The following CARS1 variants were observed in gnomAD, a reference collection of about 807,000 sequenced individuals.
CARS1 encodes the protein cysteine--tRNA ligase, cytoplasmic.
CARS1 carries 48 observed loss-of-function variants against 106.2 expected under a neutral mutation model. That is an observed-to-expected ratio of 0.45 (90% CI 0.36 to 0.57). The LOEUF is 0.57. CARS1 is among the 20% of genes least tolerant of loss of function. The pLI is 0.00. For missense variants in CARS1, 968 were observed against 1,057.2 expected (o/e 0.92, Z 1.17); for synonymous variants, 409 against 403.4 (o/e 1.01, Z -0.17).
chr11:3,005,286 A>T, intron 20 of CARS1, 80 bp downstream of exon 20: 1 of 1,111,048 alleles, frequency 9.0e-7, no homozygotes, highest in South Asian at 1.3e-5. Context: ...TCAATGCTTA[A>T]AAAGTAAACT....
Position 3,018,395 on chromosome 11 carries a change from G to C in CARS1, c.1629+13C>G, listed in dbSNP as rs755064829. The C allele has an allele frequency of 2.5e-6, 4 of 1,586,346 alleles. No homozygotes were observed. The East Asian group carries it at 9.0e-5, about 35-fold the overall frequency. The stretch of plus-strand genomic sequence containing the variant: ...CTGCTCCACCAACCTCCAGGAAGGG[G>C]CTGGGGACTCACATTCAAGAACTTC... On this transcript the variant is annotated intron_variant, in intron 14 of 22. Transcript: ENST00000380525.
rs138621009 is a variant in CARS1, at chr11:3,049,946, C to A, written c.26-1945G>T. On this transcript the variant is annotated intron_variant, in intron 1 of 22. Transcript: ENST00000380525. ...TGTGGGGAAAGCCCTTCGTGTCAGG[C>A]CAATAACTGGCACTTCCCGGAACGC... 1.1e-4 allele frequency among the ~76,000 whole-genome samples: 17 copies of A among 152,166 alleles called. No homozygotes were observed. In the East Asian group the frequency reaches 3.3e-3, roughly 30 times the overall value.
chr11:3,054,294 TATTC>T (rs756026201), intron 1 of CARS1, among the ~76,000 whole-genome samples: 1 of 152,104 alleles, frequency 6.6e-6, no homozygotes, highest in Non-Finnish European at 1.5e-5. Context: ...GGAGGGAGGT[TATTC>T]ATTATTAGGG....
rs1267733527 is a variant in CARS1, at chr11:3,034,991, A to C, written c.801+3059T>G. On this transcript the variant is annotated intron_variant, in intron 7 of 22. Coordinates refer to ENST00000380525, the MANE Select transcript of CARS1 (RefSeq NM_001014437.3). The surrounding 1 kb of genome is among the most constrained non-coding windows in gnomAD (Gnocchi z 6.3). ...AGAGCATCACATGGCCAGGGGGCTC[A>C]TGAGGGCCAAACTGGCTTCTGTAAC... 6.6e-6 allele frequency among the ~76,000 whole-genome samples: 1 copy of C among 152,138 alleles called. No individual in the cohort carries two copies. The highest frequency in any genetic ancestry group is 2.4e-5 in the African/African-American group (1 of 41,422).
rs1025891157 is a variant in CARS1, at chr11:3,052,256, G to A, written c.26-4255C>T. 8.5e-5 allele frequency among the ~76,000 whole-genome samples: 13 copies of A among 152,222 alleles called. 1 individual carries two copies. The highest frequency in any genetic ancestry group is 8.3e-4 in the South Asian group (4 of 4,814). ...GCTGAGTACCTACACTCACACACAC[G>A]GCGGCATTTCCTCACGGTAAAACAC... On this transcript the variant is annotated intron_variant, in intron 1 of 22. Transcript: ENST00000380525. The surrounding 1 kb of genome is among the most constrained non-coding windows in gnomAD (Gnocchi z 4.6).
At chr11:3,049,047 T>C (rs1855399556) in intron 1 of CARS1, among the ~76,000 whole-genome samples, 1 of 152,248 alleles carries the variant, frequency 6.6e-6, no homozygotes, top group Non-Finnish European at 1.5e-5. Flanking sequence ...TTTTTTCATT[T>C]GAGCCCCTGC....
chr11:3,004,413 T>C lies in CARS1; in HGVS notation c.2217+953A>G, dbSNP rs1849662603. ...CATCCCATCTATCAATCAACCACCC[T>C]GTCGATTCTCCTTCCTCAGTTCCTC... On this transcript the variant is annotated intron_variant, in intron 20 of 22. Coordinates refer to ENST00000380525, the MANE Select transcript of CARS1 (RefSeq NM_001014437.3). This position sits in a 1 kb window ranked among gnomAD's most constrained non-coding sequence, Gnocchi z 5.2. Among the ~76,000 whole-genome samples the C allele has an allele frequency of 6.6e-6, 1 of 152,202 alleles. No individual in the cohort carries two copies. Among genetic ancestry groups the C allele is most frequent in the Non-Finnish European group, 1.5e-5 (1 of 68,032 alleles).
Position 3,029,267 on chromosome 11 carries a change from G to C in CARS1, c.942+36C>G. 2 of 1,607,120 alleles carry C rather than the reference G, an allele frequency of 1.2e-6. No homozygotes were observed. The highest frequency in any genetic ancestry group is 1.7e-6 in the Non-Finnish European group (2 of 1,174,222). On this transcript the variant is annotated intron_variant, in intron 8 of 22. Transcript: ENST00000380525. The surrounding 1 kb of genome is among the most constrained non-coding windows in gnomAD (Gnocchi z 5.9). ...GAATTTAGAAATCAGGGCCCTTAGC[G>C]CAAGAGAGCCAGCACAAGACAATCG...
Position 3,030,771 on chromosome 11 carries a change from A to T in CARS1, c.802-1328T>A, listed in dbSNP as rs2134202484. 1 of 152,408 alleles carries T rather than the reference A, an allele frequency of 6.6e-6. No homozygotes were observed. Among genetic ancestry groups the T allele is most frequent in the South Asian group, 2.1e-4 (1 of 4,830 alleles). 9.4% of individuals were successfully genotyped at this position (152,408 alleles called of 1,614,324 possible). ...GACTCCCAGATGACAGGCAATAGCA[A>T]GCAGGGACAGGCCAGCAAAGCGGCC... On this transcript the variant is annotated intron_variant, in intron 7 of 22. Transcript: ENST00000380525. This position sits in a 1 kb window ranked among gnomAD's most constrained non-coding sequence, Gnocchi z 5.7.
Position 3,037,225 on chromosome 11 carries a change from G to A in CARS1, c.801+825C>T, listed in dbSNP as rs926878497. ...GACTACATACACGTGGCGTGTTTCC[G>A]TGAAGTTTGGAAACAGGCGCAACGA... is the stretch of plus-strand genomic sequence containing the variant. On this transcript the variant is annotated intron_variant, in intron 7 of 22. Transcript: ENST00000380525. This position sits in a 1 kb window ranked among gnomAD's most constrained non-coding sequence, Gnocchi z 5.9. Among the ~76,000 whole-genome samples, 1 of 152,200 alleles carries A rather than the reference G, an allele frequency of 6.6e-6. No individual in the cohort carries two copies. Among genetic ancestry groups the A allele is most frequent in the Non-Finnish European group, 1.5e-5 (1 of 68,032 alleles).
In CARS1 at chr11:3,038,808, A is replaced by G. The variant is rs78237634; in HGVS notation, c.651+386T>C. 6.2e-3 allele frequency among the ~76,000 whole-genome samples: 938 copies of G among 152,372 alleles called. 6 individuals carry two copies. The highest frequency in any genetic ancestry group is 0.022 in the African/African-American group (895 of 41,586). On this transcript the variant is annotated intron_variant, in intron 6 of 22. Coordinates refer to ENST00000380525, the MANE Select transcript of CARS1 (RefSeq NM_001014437.3). The surrounding 1 kb of genome is among the most constrained non-coding windows in gnomAD (Gnocchi z 4.0). The stretch of plus-strand genomic sequence containing the variant: ...TTCTGAAAATTTACAGTATTACCAA[A>G]TTAAAAAGCTTAGTATAGCTTTTGT...
chr11:3,001,216 C>G lies in CARS1; in HGVS notation c.2394G>C (p.Glu798Asp), dbSNP rs182501851. ...GLPTHDMEGK[E>D]LSKGQAKKLK... Reference sequence around the variant, plus strand: ...GCTTCTTGGCTTGCCCTTTGCTGAGCTCTTTGCCCTCCATGTCATGTGTGG... The same window carrying G: ...GCTTCTTGGCTTGCCCTTTGCTGAGGTCTTTGCCCTCCATGTCATGTGTGG... The change falls in exon 23 of 23, where the codon GAG becomes GAC. Residue 798 changes from glutamate to aspartate, a missense_variant. Transcript: ENST00000380525. 6 of 1,614,006 alleles carry G rather than the reference C, an allele frequency of 3.7e-6. No homozygotes were observed. The Admixed American group carries it at 5.0e-5, about 13-fold the overall frequency.
chr11:3,043,202 T>C lies in CARS1; in HGVS notation c.275-946A>G, dbSNP rs1854703562. On this transcript the variant is annotated intron_variant, in intron 2 of 22. Coordinates refer to ENST00000380525, the MANE Select transcript of CARS1 (RefSeq NM_001014437.3). This position sits in a 1 kb window ranked among gnomAD's most constrained non-coding sequence, Gnocchi z 4.0. ...CTGCTTCCAGGCCTGGCTTCCAACC[T>C]GGCACAAGGCTGTCCTTACACAACC... 6.6e-6 allele frequency among the ~76,000 whole-genome samples: 1 copy of C among 151,984 alleles called. No individual in the cohort carries two copies. Among genetic ancestry groups the C allele is most frequent in the African/African-American group, 2.4e-5 (1 of 41,380 alleles).
Position 3,041,292 on chromosome 11 carries a change from T to C in CARS1, c.367-308A>G. 1 of 389,532 alleles carries C rather than the reference T, an allele frequency of 2.6e-6. No homozygotes were observed. The highest frequency in any genetic ancestry group is 4.8e-6 in the Non-Finnish European group (1 of 210,302). 24.1% of individuals were successfully genotyped at this position (389,532 alleles called of 1,614,324 possible). On this transcript the variant is annotated intron_variant, in intron 3 of 22. Coordinates refer to ENST00000380525, the MANE Select transcript of CARS1 (RefSeq NM_001014437.3). The surrounding 1 kb of genome is among the most constrained non-coding windows in gnomAD (Gnocchi z 4.9). Reference sequence around the variant, plus strand: ...TGTTGAAATGCTGCTTATTTAACAATAACACAGCTAATATTTACTGAGTAC... The same window carrying C: ...TGTTGAAATGCTGCTTATTTAACAACAACACAGCTAATATTTACTGAGTAC...
In CARS1 at chr11:3,029,122, C is replaced by T. The variant is rs767272754; in HGVS notation, c.943-38G>A. On this transcript the variant is annotated intron_variant, in intron 8 of 22. Coordinates refer to ENST00000380525, the MANE Select transcript of CARS1 (RefSeq NM_001014437.3). This position sits in a 1 kb window ranked among gnomAD's most constrained non-coding sequence, Gnocchi z 5.9. ...TGAGAATGTCCTGGGATTTTCCCTT[C>T]TGAAAACCACGCGCTCCATAAAAAC... 7.2e-6 allele frequency: 11 copies of T among 1,527,132 alleles called. No homozygotes were observed. Among genetic ancestry groups the T allele is most frequent in the Non-Finnish European group, 9.1e-6 (10 of 1,101,140 alleles). The allele number at this position is 1,527,132 out of a possible 1,614,324, so 94.6% of individuals were successfully genotyped here.
At chr11:3,025,146 A>G (rs1167219143) in intron 10 of CARS1, among the ~76,000 whole-genome samples, 2 of 152,038 alleles carry the variant, frequency 1.3e-5, no homozygotes, top group African/African-American at 2.4e-5. Context: ...ACAAACCCGG[A>G]GCCTGAAATG....
Position 3,042,151 on chromosome 11 carries a change from T to C in CARS1, c.366+14A>G. On this transcript the variant is annotated intron_variant, in intron 3 of 22. Coordinates refer to ENST00000380525, the MANE Select transcript of CARS1 (RefSeq NM_001014437.3). ...CATTGTGTGCGTGTGCCACGGCATCTGTGTTCTCCTTACCTTGTTCCTGGT... is the reference window on the plus strand; with the variant it reads ...CATTGTGTGCGTGTGCCACGGCATCCGTGTTCTCCTTACCTTGTTCCTGGT... 2 of 1,606,760 alleles carry C rather than the reference T, an allele frequency of 1.2e-6. No homozygotes were observed. The highest frequency in any genetic ancestry group is 1.7e-4 in the Middle Eastern group (1 of 6,032).
Position 3,028,832 on chromosome 11 carries a change from T to C in CARS1, c.1031+164A>G. ...GTGCAGACCCATGCTCCTCAGCCCC[T>C]GGGTGGGCCCAGAGTTGTAGGAGGA... On this transcript the variant is annotated intron_variant, in intron 9 of 22. Transcript: ENST00000380525. This position sits in a 1 kb window ranked among gnomAD's most constrained non-coding sequence, Gnocchi z 4.4. The C allele has an allele frequency of 3.2e-6, 2 of 627,116 alleles. No individual in the cohort carries two copies. Among genetic ancestry groups the C allele is most frequent in the South Asian group, 1.9e-5 (1 of 53,434 alleles). 38.8% of individuals were successfully genotyped at this position (627,116 alleles called of 1,614,324 possible).
intron 1 of CARS1, among the ~76,000 whole-genome samples, chr11:3,051,395 GAGA>G (rs1316207712): frequency 2.6e-5 from 4 of 152,310 alleles, no homozygotes; most frequent in Admixed American, 1.3e-4. Context: ...GCTTCCCTCT[GAGA>G]AGAAGGAGGC....
Sources: gnomAD v4.1 joint callset for allele counts (sites outside exome capture counted in the v4.1 genomes callset) on GRCh38, gnomAD v4.1.1 for gene constraint, Gnocchi (gnomAD v3.1) non-coding constraint, MANE v1.5 for transcripts, NCBI Gene and HGNC (gene_info 2026-07-23, HGNC 2026-07-21) for gene names.